NTRK2: variants seen among roughly 807,000 people sequenced by gnomAD.
NTRK2 encodes neurotrophic receptor tyrosine kinase 2, also known as BDNF/NT-3 growth factors receptor.
NTRK2 carries 13 observed loss-of-function variants against 94.5 expected under a neutral mutation model. The observed-to-expected ratio is 0.14, with a 90% CI of 0.09 to 0.22. The LOEUF is 0.22. Ranked by LOEUF, NTRK2 falls within the 10% of genes least tolerant of loss-of-function variation. The pLI is 1.00. For missense variants in NTRK2, 639 were observed against 1,071.2 expected, an observed-to-expected ratio of 0.60 and a Z score of 5.63; for synonymous variants, 372 against 407.4, an observed-to-expected ratio of 0.91 and a Z score of 1.05.
chr9:84,838,295 A>C (rs2073987541), intron 12 of NTRK2, among the ~76,000 whole-genome samples: 2 of 152,172 alleles, frequency 1.3e-5, no homozygotes, highest in African/African-American at 4.8e-5. Flanking sequence ...TCTCCACAGA[A>C]CTTACAATAG....
chr9:84,740,159 G>T (rs991892714), intron 9 of NTRK2, among the ~76,000 whole-genome samples: 1 of 152,136 alleles, frequency 6.6e-6, no homozygotes, highest in African/African-American at 2.4e-5. Context: ...ATGGTGAGGG[G>T]GACTCCATTT....
chr9:84,814,347 C>T, intron 12 of NTRK2: 1 of 1,065,508 alleles, frequency 9.4e-7, no homozygotes, highest in South Asian at 4.5e-5. Flanking sequence ...GACAGAAAAC[C>T]AGTTTCACGC....
chr9:84,964,361 T>C (rs1164122506), intron 17 of NTRK2, among the ~76,000 whole-genome samples: 2 of 152,210 alleles, frequency 1.3e-5, no homozygotes, highest in African/African-American at 4.8e-5. Flanking sequence ...CAATGCCCCA[T>C]GAATCCGGAG....
intron 6 of NTRK2, among the ~76,000 whole-genome samples, chr9:84,717,991 CCTT>C (rs1335032128): frequency 6.8e-6 from 1 of 146,152 alleles, no homozygotes; most frequent in African/African-American, 2.5e-5. Flanking sequence ...TACAGAGCCT[CCTT>C]CTCCTTCTCC....
At chr9:84,776,164 T>A (rs2067015522) in intron 12 of NTRK2, among the ~76,000 whole-genome samples, 1 of 81,286 alleles carries the variant, frequency 1.2e-5, no homozygotes, top group South Asian at 5.5e-4. Context: ...GAGATAGATA[T>A]AGATATAAAT....
intron 12 of NTRK2, among the ~76,000 whole-genome samples, chr9:84,774,507 CT>C (rs2066849484): frequency 6.6e-6 from 1 of 152,186 alleles, no homozygotes; most frequent in Non-Finnish European, 1.5e-5. Context: ...TTGCCCAAAG[CT>C]GCAAGGCTGT....
At chr9:84,796,656 A>C (rs983960612) in intron 12 of NTRK2, among the ~76,000 whole-genome samples, 1 of 152,194 alleles carries the variant, frequency 6.6e-6, no homozygotes, top group Admixed American at 6.5e-5. Context: ...AAAGTTCAAA[A>C]ACTCTTGCTG....
intron 9 of NTRK2, among the ~76,000 whole-genome samples, chr9:84,739,593 C>T (rs935133413): frequency 6.6e-6 from 1 of 152,172 alleles, no homozygotes; most frequent in Non-Finnish European, 1.5e-5. Context: ...GGCTCTGAAT[C>T]CTCAGGCTTG....
chr9:84,767,667 A>G (rs2066163002), intron 12 of NTRK2, among the ~76,000 whole-genome samples: 1 of 152,186 alleles, frequency 6.6e-6, no homozygotes, highest in South Asian at 2.1e-4. Flanking sequence ...TTTGGAAAAT[A>G]GTTGATTGGC....
chr9:84,831,366 AG>A (rs1473605462), intron 12 of NTRK2, among the ~76,000 whole-genome samples: 4 of 152,074 alleles, frequency 2.6e-5, no homozygotes, highest in Non-Finnish European at 5.9e-5. Context: ...TCTTTGCTTT[AG>A]TGTTTATATG....
At chr9:84,821,268 A>G (rs2072802766) in intron 12 of NTRK2, among the ~76,000 whole-genome samples, 1 of 151,958 alleles carries the variant, frequency 6.6e-6, no homozygotes, top group African/African-American at 2.4e-5. Context: ...CTTAGCTTGC[A>G]TGTTTATGTG....
intron 17 of NTRK2, among the ~76,000 whole-genome samples, chr9:84,990,653 A>G (rs541074672): frequency 6.6e-6 from 1 of 152,314 alleles, no homozygotes; most frequent in East Asian, 1.9e-4. Context: ...CAAAGAGAAC[A>G]TTTGTGTGTG....
chr9:84,790,856 A>G (rs895342559), intron 12 of NTRK2, among the ~76,000 whole-genome samples: 1 of 152,204 alleles, frequency 6.6e-6, no homozygotes, highest in Non-Finnish European at 1.5e-5. Flanking sequence ...TATTATTACT[A>G]AAAGGATCCC....
intron 10 of NTRK2, among the ~76,000 whole-genome samples, chr9:84,744,612 C>T (rs538307633): frequency 2.6e-5 from 4 of 152,188 alleles, no homozygotes; most frequent in South Asian, 2.1e-4. Context: ...AAGACCTTTC[C>T]GGGTCTATAA....
intron 14 of NTRK2, among the ~76,000 whole-genome samples, chr9:84,901,802 C>T (rs941414593): frequency 2.0e-5 from 3 of 152,128 alleles, no homozygotes; most frequent in African/African-American, 7.2e-5. Context: ...GACCATAATT[C>T]CCTCTGTACA....
chr9:84,873,615 A>G (rs907905364), intron 14 of NTRK2: 1 of 1,053,174 alleles, frequency 9.5e-7, no homozygotes, highest in Non-Finnish European at 1.1e-6. Flanking sequence ...AGTTTCTTAA[A>G]AGAAAGGAAA....
intron 2 of NTRK2, among the ~76,000 whole-genome samples, chr9:84,689,800 C>T (rs954906034): frequency 6.6e-6 from 1 of 152,174 alleles, no homozygotes; most frequent in East Asian, 1.9e-4. Context: ...TTACCTCCCT[C>T]TAGTGCCTGG....
At chr9:85,011,469 T>C (rs1564548992) in intron 17 of NTRK2, among the ~76,000 whole-genome samples, 1 of 152,200 alleles carries the variant, frequency 6.6e-6, no homozygotes, top group Non-Finnish European at 1.5e-5. Context: ...TAAGGTTGAA[T>C]GAGGTCATAA....
rs568926300 is a variant in NTRK2, at chr9:84,758,384, A to AATTATT, written c.1396+6318_1396+6323dup. On this transcript the variant is annotated intron_variant, in intron 12 of 18. Transcript: ENST00000277120. ...AAACTTAGCCCTTTAGTCTTTTTGT[A>AATTATT]ATTATTATTATTATTATTATTATTG... Among the ~76,000 whole-genome samples the AATTATT allele has an allele frequency of 8.6e-5, 13 of 150,736 alleles. No homozygotes were observed. In the East Asian group the frequency reaches 1.6e-3, roughly 18 times the overall value.
Sources: gnomAD v4.1 joint callset for allele counts (sites outside exome capture counted in the v4.1 genomes callset) on GRCh38, gnomAD v4.1.1 for gene constraint, MANE v1.5 for transcripts, NCBI Gene and HGNC (gene_info 2026-07-23, HGNC 2026-07-21) for gene names.